The following GALNT16 variants were observed in gnomAD, a reference collection of about 807,000 sequenced individuals.
GALNT16 encodes the protein polypeptide N-acetylgalactosaminyltransferase 16, also known as UDP-GalNAc:polypeptide N-acetylgalactosaminyltransferase-like protein 1.
GALNT16 carries 40 observed loss-of-function variants against 76.1 expected under a neutral mutation model. The observed-to-expected ratio is 0.53, with a 90% CI of 0.41 to 0.68. GALNT16 has a LOEUF of 0.68. Ranked by LOEUF, GALNT16 falls within the 30% of genes least tolerant of loss-of-function variation. GALNT16 has a pLI of 0.00. For missense variants in GALNT16, 621 were observed against 731.9 expected, an observed-to-expected ratio of 0.85 and a Z score of 1.75; for synonymous variants, 276 against 285.2, an observed-to-expected ratio of 0.97 and a Z score of 0.32.
intron 12 of GALNT16, among the ~76,000 whole-genome samples, chr14:69,346,321 G>T (rs1371475789): frequency 1.3e-5 from 2 of 152,176 alleles, no homozygotes; most frequent in Admixed American, 1.3e-4. Context: ...ACTCTGAGAT[G>T]AATGTCTTTT....
At chr14:69,284,297 C>T (rs1768694982) in intron 1 of GALNT16, among the ~76,000 whole-genome samples, 1 of 152,198 alleles carries the variant, frequency 6.6e-6, no homozygotes, top group African/African-American at 2.4e-5. Context: ...CCATCAGCAG[C>T]AGCAAGGAGA....
At chr14:69,315,424 T>C (rs1261092612) in intron 1 of GALNT16, among the ~76,000 whole-genome samples, 3 of 152,166 alleles carry the variant, frequency 2.0e-5, no homozygotes, top group Non-Finnish European at 2.9e-5. Flanking sequence ...TGGAAGGATG[T>C]GGGAGGCTCG....
chr14:69,343,056 G>C (rs1047249762), intron 12 of GALNT16, among the ~76,000 whole-genome samples: 5 of 152,242 alleles, frequency 3.3e-5, no homozygotes, highest in African/African-American at 1.2e-4. Context: ...ACCTGGAACA[G>C]TGCCTGTCAT....
In GALNT16 at chr14:69,351,945, G is replaced by A. The variant is rs192434076; in HGVS notation, c.1540-86G>A. ...TCCTAGTTATATACAAGGGCTGTGT[G>A]CATACATGTGGAATGAAAGTACAAC... is the stretch of plus-strand genomic sequence containing the variant. On this transcript the variant is annotated intron_variant, in intron 14 of 14. Transcript: ENST00000448469. 511 of 1,259,372 alleles carry A rather than the reference G, an allele frequency of 4.1e-4. 1 individual carries two copies. The African/African-American group carries it at 7.0e-3, about 17-fold the overall frequency. The allele number at this position is 1,259,372 out of a possible 1,614,324, so 78.0% of individuals were successfully genotyped here. A position where few individuals can be genotyped will look rare whatever the true frequency, so the allele number is the denominator to read the frequency against.
intron 12 of GALNT16, among the ~76,000 whole-genome samples, chr14:69,342,633 A>G (rs770498140): frequency 3.3e-5 from 5 of 152,250 alleles, no homozygotes; most frequent in Non-Finnish European, 7.3e-5. Flanking sequence ...TTATAATCAT[A>G]GAAACTGTGA....
At chr14:69,382,818 G>T in the GALNT16 span, among the ~76,000 whole-genome samples, 3 of 149,760 alleles carry the variant, frequency 2.0e-5, no homozygotes, top group Non-Finnish European at 3.0e-5. Context: ...AAGCAATAAT[G>T]CCTTCTTTAT....
intron 1 of GALNT16, among the ~76,000 whole-genome samples, chr14:69,288,160 G>T (rs28735730): frequency 0.032 from 4,870 of 152,284 alleles, 259 homozygotes; most frequent in African/African-American, 0.11. Context: ...CAGCCGCCTA[G>T]TGGCCTAATT....
At chr14:69,320,282 G>A (rs1386526791) in intron 1 of GALNT16, among the ~76,000 whole-genome samples, 1 of 152,176 alleles carries the variant, frequency 6.6e-6, no homozygotes, top group African/African-American at 2.4e-5. Flanking sequence ...ATCACTTGAG[G>A]TCAGGAGTTC....
At chr14:69,276,940 C>T (rs569162506) in intron 1 of GALNT16, among the ~76,000 whole-genome samples, 2 of 152,108 alleles carry the variant, frequency 1.3e-5, no homozygotes, top group Non-Finnish European at 2.9e-5. Context: ...CTGTCACGCA[C>T]GTGGCACTGT....
At chr14:69,380,132 A>C in the GALNT16 span, 1 of 155,208 alleles carries the variant, frequency 6.4e-6, no homozygotes, top group Non-Finnish European at 1.4e-5. Context: ...AGAAAATATA[A>C]CTAAAGGACA....
At chr14:69,349,108 G>C (rs1457928639) in intron 14 of GALNT16, 1 of 152,312 alleles carries the variant, frequency 6.6e-6, no homozygotes, top group African/African-American at 2.4e-5. Context: ...CGGCCTGTGT[G>C]TGTCTGAGGG....
chr14:69,260,273 G>A lies in GALNT16; in HGVS notation c.-18G>A. ...CACGCCGGCCCAGTCCCCCACCTGG[G>A]GCGCCCGTCTGCCCACCATGAGGAA... On this transcript the variant is annotated 5_prime_UTR_variant, in exon 1 of 15. Coordinates refer to ENST00000448469, the MANE Select transcript of GALNT16 (RefSeq NM_001168368.2). 1 of 1,610,976 alleles carries A rather than the reference G, an allele frequency of 6.2e-7. No homozygotes were observed. The highest frequency in any genetic ancestry group is 2.2e-5 in the East Asian group (1 of 44,778).
rs796391655 is a variant in GALNT16 at position 69,262,904 on chromosome 14, G to A, written c.177+2437G>A. Among the ~76,000 whole-genome samples the A allele has an allele frequency of 1.7e-4, 25 of 148,998 alleles. 1 individual carries two copies. The highest frequency in any genetic ancestry group is 5.7e-4 in the African/African-American group (23 of 40,134). On this transcript the variant is annotated intron_variant, in intron 1 of 14. Coordinates refer to ENST00000448469, the MANE Select transcript of GALNT16 (RefSeq NM_001168368.2). ...TTTTCTTTTTTTTTTTTTTGAGATGGAGTCTCACTCTGTCACCCAGGCTGG... is the reference window on the plus strand; with the variant it reads ...TTTTCTTTTTTTTTTTTTTGAGATGAAGTCTCACTCTGTCACCCAGGCTGG...
chr14:69,336,198 C>T (rs574180080), intron 9 of GALNT16, among the ~76,000 whole-genome samples: 2 of 152,310 alleles, frequency 1.3e-5, no homozygotes, highest in South Asian at 2.1e-4. Flanking sequence ...CACTCTCTGC[C>T]TCCAGGGTTC....
At chr14:69,331,749 T>C (rs1307570716) in intron 7 of GALNT16, among the ~76,000 whole-genome samples, 198 bp downstream of exon 7, 1 of 152,218 alleles carries the variant, frequency 6.6e-6, no homozygotes, top group Non-Finnish European at 1.5e-5. Flanking sequence ...GAGCTGGCAG[T>C]TGCAGGCTTC....
chr14:69,268,480 C>T (rs1181398399), intron 1 of GALNT16, among the ~76,000 whole-genome samples: 1 of 152,134 alleles, frequency 6.6e-6, no homozygotes, highest in Non-Finnish European at 1.5e-5. Context: ...AAAGGCCTAG[C>T]CAGGAAGGGC....
At chr14:69,356,391 T>A (rs1395143797), downstream of GALNT16, 1 of 152,100 alleles carries the variant, frequency 6.6e-6, no homozygotes, top group East Asian at 1.9e-4. Context: ...TCCCAAATAT[T>A]CAGGAGGCTG....
intron 2 of GALNT16, 37 bp from the exon 3 acceptor site, chr14:69,324,655 C>A: frequency 8.1e-7 from 1 of 1,232,398 alleles, no homozygotes; most frequent in Non-Finnish European, 1.2e-6. Context: ...TGAGGATGCC[C>A]TCATGGCTGG....
chr14:69,280,286 C>T (rs955257396), intron 1 of GALNT16, among the ~76,000 whole-genome samples: 3 of 152,144 alleles, frequency 2.0e-5, no homozygotes, highest in Non-Finnish European at 4.4e-5. Flanking sequence ...TAAGTGGAAT[C>T]CTGTAAGTGG....
Sources: allele counts gnomAD v4.1 joint callset (sites outside exome capture counted in the v4.1 genomes callset), GRCh38; gene constraint gnomAD v4.1.1; transcripts MANE v1.5; gene names NCBI Gene and HGNC (gene_info 2026-07-23, HGNC 2026-07-21).